The following ASXL1 variants were observed in gnomAD, a reference collection of about 807,000 sequenced individuals.
ASXL1 encodes the protein ASXL transcriptional regulator 1, also known as polycomb group protein ASXL1.
A neutral mutation model predicts 89.1 loss-of-function variants in ASXL1; 65 were observed. That is an observed-to-expected ratio of 0.73 (90% confidence interval 0.60 to 0.90). The LOEUF is 0.90. Among genes scored for constraint, ASXL1 ranks in the 40% least tolerant of loss-of-function variants. The probability of loss-of-function intolerance (pLI) is 0.00; values close to 1 mark genes in which losing one functional copy is unlikely to be tolerated. For missense variants in ASXL1, 1,786 were observed against 1,942.9 expected (o/e 0.92, Z 1.52); for synonymous variants, 739 against 746.9 (o/e 0.99, Z 0.17).
chr20:32,431,667 C>T lies in ASXL1; in HGVS notation c.967C>T (p.Arg323Cys), dbSNP rs2011518662. 1 of 1,612,818 alleles carries T rather than the reference C, an allele frequency of 6.2e-7. No homozygotes were observed. Among genetic ancestry groups the T allele is most frequent in the Admixed American group, 1.7e-5 (1 of 60,000 alleles). The change falls in exon 10 of 13, where the codon CGC (arginine) becomes TGC (cysteine). Residue 323 changes from arginine to cysteine, a missense_variant. This residue lies in a region of ASXL1 where 332 missense variants were observed against 449.7 expected (regional missense o/e 0.74). Transcript: ENST00000375687. Reference protein sequence around the residue: ...FTHAAQSWRERLADGEFTHEM... With the variant: ...FTHAAQSWRECLADGEFTHEM... ...CCATGCGGCTCAGAGCTGGCGGGAG[C>T]GCCTGGCTGATGGTATGTAGACTTG...
chr20:32,416,691 T>G (rs556530107), intron 4 of ASXL1, among the ~76,000 whole-genome samples: 127 of 152,324 alleles, frequency 8.3e-4, no homozygotes, highest in African/African-American at 2.8e-3. Context: ...TGAGAATTTC[T>G]CTAAGGGACT....
intron 4 of ASXL1, among the ~76,000 whole-genome samples, chr20:32,401,552 C>CTTTTT (rs777632008): frequency 0.38 from 45,945 of 120,078 alleles, 8,564 homozygotes; most frequent in East Asian, 0.62. Context: ...GTGTTTTTTC[C>CTTTTT]CCCCCCCCCT....
rs756087668 is a variant in ASXL1 at position 32,429,891 on chromosome 20, G to T, written c.566-10G>T. On this transcript the variant is annotated splice_polypyrimidine_tract_variant and intron_variant, in intron 7 of 12. Coordinates refer to ENST00000375687, the MANE Select transcript of ASXL1 (RefSeq NM_015338.6). This position sits in a 1 kb window ranked among gnomAD's most constrained non-coding sequence, Gnocchi z 4.9. The stretch of plus-strand genomic sequence containing the variant: ...TGATACTTTTGACCAGTGGAATGCT[G>T]TGCCTTCAGGGTTCTCGGGCTGCCA... 1 of 1,607,248 alleles carries T rather than the reference G, an allele frequency of 6.2e-7. No individual in the cohort carries two copies. The highest frequency in any genetic ancestry group is 8.5e-7 in the Non-Finnish European group (1 of 1,179,518).
At chr20:32,430,855 G>A (rs939511904) in intron 8 of ASXL1, 3 of 387,474 alleles carry the variant, frequency 7.7e-6, no homozygotes, top group African/African-American at 6.1e-5. Context: ...ATCTCAGTTG[G>A]CTTTGAACAG....
chr20:32,421,870 T>C (rs796608763), intron 4 of ASXL1, among the ~76,000 whole-genome samples: 45 of 129,516 alleles, frequency 3.5e-4, no homozygotes, highest in African/African-American at 1.5e-3. Context: ...TCTTTTCTTT[T>C]TTTTTTTTTT....
At chr20:32,419,160 C>T (rs954502121) in intron 4 of ASXL1, among the ~76,000 whole-genome samples, 67 of 151,854 alleles carry the variant, frequency 4.4e-4, no homozygotes, top group African/African-American at 1.5e-3. Context: ...ATAAAATCTT[C>T]TTAATCAAGA....
chr20:32,413,332 A>G (rs1444823984), intron 4 of ASXL1, among the ~76,000 whole-genome samples: 1 of 152,200 alleles, frequency 6.6e-6, no homozygotes, highest in Non-Finnish European at 1.5e-5. Context: ...TGGAAATGGA[A>G]GGGATGGTGG....
At chr20:32,414,452 T>TG (rs11380548) in intron 4 of ASXL1, among the ~76,000 whole-genome samples, 4,005 of 152,176 alleles carry the variant, frequency 0.026, 174 homozygotes, top group African/African-American at 0.092. Context: ...TACGTGTCTG[T>TG]GGTCCCGACT....
At position 32,436,734 on chromosome 20, in the gene ASXL1, G is replaced by A. The variant is rs772901230; in HGVS notation, c.4022G>A (p.Ser1341Asn). ...PVFPSGKLGP[S>N]TNSMSGGVQT... ...TTTCCCAGTGGGAAGTTGGGACCAA[G>A]CACAAACTCCATGTCTGGTGGGGTA... Residue 1341 changes from serine (S) to asparagine (N), a missense_variant, in exon 13 of 13, where the codon AGC (serine) becomes AAC (asparagine). Physicochemically the swap from Ser to Asn is conservative, Grantham distance 46 (BLOSUM62 1). Transcript: ENST00000375687. The A allele has an allele frequency of 6.2e-7, 1 of 1,614,114 alleles. No individual in the cohort carries two copies. Among genetic ancestry groups the A allele is most frequent in the Non-Finnish European group, 8.5e-7 (1 of 1,180,038 alleles).
intron 4 of ASXL1, among the ~76,000 whole-genome samples, chr20:32,379,623 T>G (rs1304158123): frequency 6.7e-6 from 1 of 149,036 alleles, no homozygotes; most frequent in Non-Finnish European, 1.5e-5. Flanking sequence ...GTCAGGAGTT[T>G]GAGACCAGCC....
intron 6 of ASXL1, 112 bp downstream of exon 6, chr20:32,428,534 A>G: frequency 9.5e-7 from 1 of 1,051,818 alleles, no homozygotes; most frequent in Non-Finnish European, 1.5e-6. Flanking sequence ...GAAGAATAGA[A>G]GTCTGGTCTC....
At chr20:32,377,170 A>G (rs1165186142) in intron 4 of ASXL1, among the ~76,000 whole-genome samples, 1 of 143,700 alleles carries the variant, frequency 7.0e-6, no homozygotes, top group South Asian at 2.1e-4. Context: ...TAAATATATT[A>G]TATATAATAT....
In ASXL1 at chr20:32,436,022, A is replaced by G. The variant is rs952607481; in HGVS notation, c.3310A>G (p.Thr1104Ala). 3.7e-6 allele frequency: 6 copies of G among 1,614,074 alleles called. No individual in the cohort carries two copies. Among genetic ancestry groups the G allele is most frequent in the African/African-American group, 1.3e-5 (1 of 74,932 alleles). ...CATGCCTGGGTCCTCAGTGGAGGCC[A>G]CTAACCCACTTGTGATGCAGTTGCT... Reference protein sequence around the residue: ...LSMPGSSVEATNPLVMQLLQG... With the variant: ...LSMPGSSVEAANPLVMQLLQG... Residue 1104 changes from threonine to alanine, a missense_variant, in exon 13 of 13, where the codon ACT (threonine) becomes GCT (alanine). By Grantham distance (58) the Thr-to-Ala change is moderately conservative. Transcript: ENST00000375687.
At position 32,435,942 on chromosome 20, in the gene ASXL1, C is replaced by G. The variant is rs1569335478; in HGVS notation, c.3230C>G (p.Pro1077Arg). ...GTATGTGCGGTCCGCCAAAAGATCCCAGATTCCCTACTGCTGGCCAGTACT... is the reference window on the plus strand; with the variant it reads ...GTATGTGCGGTCCGCCAAAAGATCCGAGATTCCCTACTGCTGGCCAGTACT... ...SRVCAVRQKI[P>R]DSLLLASTEY... The change falls in exon 13 of 13, where the codon CCA becomes CGA. Residue 1077 changes from proline to arginine, a missense_variant. Physicochemically the swap from Pro to Arg is moderately radical, Grantham distance 103. Transcript: ENST00000375687. 1.2e-6 allele frequency: 2 copies of G among 1,614,184 alleles called. No individual in the cohort carries two copies. The highest frequency in any genetic ancestry group is 1.7e-5 in the Admixed American group (1 of 60,024).
At chr20:32,390,828 C>T (rs570467825) in intron 4 of ASXL1, among the ~76,000 whole-genome samples, 1 of 152,254 alleles carries the variant, frequency 6.6e-6, no homozygotes, top group Admixed American at 6.5e-5. Flanking sequence ...AGTCTGGCGT[C>T]TTTTACTTAG....
At position 32,432,959 on chromosome 20, in the gene ASXL1, G is replaced by A; in HGVS notation, c.1059G>A (p.Lys353=). The A allele has an allele frequency of 6.2e-7, 1 of 1,613,972 alleles. No individual in the cohort carries two copies. The highest frequency in any genetic ancestry group is 8.5e-7 in the Non-Finnish European group (1 of 1,180,018). Residue 353 remains lysine (K), a synonymous_variant, in exon 11 of 13, where the codon AAG becomes AAA. Transcript: ENST00000375687. ...AGAAGGTGGAACAATGGAAAGAAAA[G>A]TTCTTTGAAGACTACTATGGACAGA... is the stretch of plus-strand genomic sequence containing the variant. The part of the protein sequence containing the change: ...KEKKVEQWKE[K]FFEDYYGQKL...
In ASXL1 at chr20:32,359,399, G is replaced by C. The variant is rs927198599; in HGVS notation, c.57+567G>C. ...CCTGAGCAGCGGTTCTCTAACTTTA[G>C]TGTCCTGTGGGCGACACCTGGGAGG... On this transcript the variant is annotated intron_variant, in intron 1 of 12. Transcript: ENST00000375687. The C allele has an allele frequency of 2.7e-5, 19 of 702,358 alleles. No homozygotes were observed. The African/African-American group carries it at 3.1e-4, about 12-fold the overall frequency. 43.5% of individuals were successfully genotyped at this position (702,358 alleles called of 1,614,324 possible). A position where few individuals can be genotyped will look rare whatever the true frequency, so the allele number is the denominator to read the frequency against.
At chr20:32,425,584 T>C (rs1254319152) in intron 4 of ASXL1, among the ~76,000 whole-genome samples, 1 of 152,230 alleles carries the variant, frequency 6.6e-6, no homozygotes, top group Non-Finnish European at 1.5e-5. Flanking sequence ...TTCCTTATTG[T>C]TAGTGAGATT....
At chr20:32,432,733 G>A in intron 10 of ASXL1, 147 bp from the exon 11 acceptor site, 1 of 961,254 alleles carries the variant, frequency 1.0e-6, no homozygotes, top group South Asian at 1.5e-5. Context: ...CCTTATAGTA[G>A]ATGTGTTAGC....
Sources: gnomAD v4.1 joint callset for allele counts (sites outside exome capture counted in the v4.1 genomes callset) on GRCh38, gnomAD v4.1.1 for gene constraint, gnomAD v4.1.1 regional missense constraint, Gnocchi (gnomAD v3.1) non-coding constraint, MANE v1.5 for transcripts, NCBI Gene and HGNC (gene_info 2026-07-23, HGNC 2026-07-21) for gene names.